The following SEC11A variants were observed in gnomAD, a reference collection of about 807,000 sequenced individuals.
SEC11A encodes the protein signal peptidase complex catalytic subunit SEC11A.
In SEC11A, 14 loss-of-function variants were observed where a neutral mutation model predicts 25.6. That is an observed-to-expected ratio of 0.55 (90% CI 0.36 to 0.85). SEC11A has a LOEUF of 0.85. SEC11A is among the 40% of genes least tolerant of loss of function. SEC11A has a pLI of 0.01. For missense variants in SEC11A, 153 were observed against 222.9 expected (o/e 0.69, Z 2.00); for synonymous variants, 83 against 76.4 (o/e 1.09, Z -0.45).
At chr15:84,703,650 A>C (rs945698515) in intron 1 of SEC11A, among the ~76,000 whole-genome samples, 1 of 152,172 alleles carries the variant, frequency 6.6e-6, no homozygotes, top group Non-Finnish European at 1.5e-5. Context: ...GCAGTTGTTC[A>C]TTTTGCCTGG....
chr15:84,702,032 A>C (rs1177282764), intron 1 of SEC11A, among the ~76,000 whole-genome samples: 1 of 151,582 alleles, frequency 6.6e-6, no homozygotes, highest in East Asian at 1.9e-4. Flanking sequence ...GTGCCACTGC[A>C]CTCCAGCCTG....
At chr15:84,697,020 A>T (rs906067621) in intron 1 of SEC11A, among the ~76,000 whole-genome samples, 12 of 133,680 alleles carry the variant, frequency 9.0e-5, no homozygotes, top group African/African-American at 3.5e-4. Context: ...CCTATCTCTA[A>T]AAAAAAAATA....
intron 2 of SEC11A, among the ~76,000 whole-genome samples, chr15:84,688,675 T>C (rs34784022): frequency 0.2 from 30,631 of 152,168 alleles, 3,888 homozygotes; most frequent in Middle Eastern, 0.36. Context: ...CTTCCCTCTA[T>C]GTAAAGGGAT....
chr15:84,691,516 T>C lies in SEC11A; in HGVS notation c.161+19A>G. The C allele has an allele frequency of 1.4e-6, 2 of 1,428,344 alleles. No homozygotes were observed. Among genetic ancestry groups the C allele is most frequent in the Non-Finnish European group, 2.0e-6 (2 of 1,017,164 alleles). 88.5% of individuals were successfully genotyped at this position (1,428,344 alleles called of 1,614,324 possible). A position where few individuals can be genotyped will look rare whatever the true frequency, so the allele number is the denominator to read the frequency against. On this transcript the variant is annotated intron_variant, in intron 2 of 5. Coordinates refer to ENST00000268220, the MANE Select transcript of SEC11A (RefSeq NM_014300.4). ...AGTAATGCCATGCAATTCCATGCCT[T>C]GAAAGGAAAAACTGTTACCTGAGCA...
At chr15:84,691,321 G>A (rs1897599706) in intron 2 of SEC11A, among the ~76,000 whole-genome samples, 1 of 152,004 alleles carries the variant, frequency 6.6e-6, no homozygotes, top group Admixed American at 6.6e-5. Context: ...TAATCCACCG[G>A]CCTCAGCATC....
In SEC11A at chr15:84,670,325, C is replaced by T. The variant is rs889940487; in HGVS notation, c.490-256G>A. On this transcript the variant is annotated intron_variant, in intron 5 of 5. Coordinates refer to ENST00000268220, the MANE Select transcript of SEC11A (RefSeq NM_014300.4). ...GCTGGAGTGCAGCAGCAACCTCCAC[C>T]TATCATATTCAAGCAATTCTCGTGC... is the stretch of plus-strand genomic sequence containing the variant. 6 of 327,110 alleles carry T rather than the reference C, an allele frequency of 1.8e-5. No individual in the cohort carries two copies. The South Asian group carries it at 2.3e-4, about 12-fold the overall frequency. The allele number at this position is 327,110 out of a possible 1,614,324, so 20.3% of individuals were successfully genotyped here. A position where few individuals can be genotyped will look rare whatever the true frequency, so the allele number is the denominator to read the frequency against.
At chr15:84,713,124 G>A (rs1898337528) in intron 1 of SEC11A, among the ~76,000 whole-genome samples, 1 of 151,560 alleles carries the variant, frequency 6.6e-6, no homozygotes, top group Non-Finnish European at 1.5e-5. Flanking sequence ...AACCTGGGAG[G>A]TGGAGCTTGC....
At chr15:84,693,301 T>C (rs938959339) in intron 1 of SEC11A, among the ~76,000 whole-genome samples, 2 of 151,636 alleles carry the variant, frequency 1.3e-5, no homozygotes, top group African/African-American at 4.8e-5. Flanking sequence ...GTTTTTTTCT[T>C]CTCATTCAGT....
At chr15:84,684,909 C>T (rs922161887) in intron 3 of SEC11A, among the ~76,000 whole-genome samples, 13 of 151,634 alleles carry the variant, frequency 8.6e-5, no homozygotes, top group South Asian at 2.1e-4. Context: ...CCAGCCTGGG[C>T]GAAAGAGCGA....
chr15:84,670,632 G>A (rs555558463), intron 5 of SEC11A, 93 bp downstream of exon 5: 9 of 617,778 alleles, frequency 1.5e-5, no homozygotes, highest in Middle Eastern at 4.2e-4. Flanking sequence ...CACTCACCTC[G>A]GCCTCCCAGA....
chr15:84,714,343 C>T (rs981381738), intron 1 of SEC11A, among the ~76,000 whole-genome samples: 1 of 152,162 alleles, frequency 6.6e-6, no homozygotes. Flanking sequence ...ATCACTAAAG[C>T]TCTCTAACAA....
intron 3 of SEC11A, among the ~76,000 whole-genome samples, chr15:84,681,849 TG>T (rs1897290140): frequency 6.6e-6 from 1 of 151,930 alleles, no homozygotes; most frequent in Non-Finnish European, 1.5e-5. Context: ...CCAAGGTGGG[TG>T]GGTGGATCAC....
At chr15:84,703,386 C>G (rs778827457) in intron 1 of SEC11A, among the ~76,000 whole-genome samples, 6 of 152,300 alleles carry the variant, frequency 3.9e-5, no homozygotes, top group South Asian at 2.1e-4. Flanking sequence ...TAAATATGAG[C>G]AAGTGACTCA....
chr15:84,692,024 C>CTTT (rs59177902), intron 1 of SEC11A: 56 of 127,298 alleles, frequency 4.4e-4, no homozygotes, highest in South Asian at 1.7e-3. Flanking sequence ...TTTTCTTTTT[C>CTTT]TTTTTTTTTT....
intron 3 of SEC11A, chr15:84,687,004 C>A (rs112297596): frequency 0.062 from 9,459 of 152,412 alleles, 376 homozygotes; most frequent in African/African-American, 0.088. Flanking sequence ...TCCCAAGTAG[C>A]TGGGATTACA....
chr15:84,706,232 G>C (rs1898090067), intron 1 of SEC11A, among the ~76,000 whole-genome samples: 1 of 152,038 alleles, frequency 6.6e-6, no homozygotes, highest in Non-Finnish European at 1.5e-5. Context: ...AATTCACAAA[G>C]GTTTTAATCC....
intron 3 of SEC11A, 106 bp downstream of exon 3, chr15:84,687,519 C>T (rs1897463268): frequency 1.2e-6 from 1 of 846,172 alleles, no homozygotes; most frequent in Non-Finnish European, 1.7e-6. Flanking sequence ...TGGAAGAAGG[C>T]CTAGAGGTTC....
intron 1 of SEC11A, among the ~76,000 whole-genome samples, chr15:84,693,993 G>C (rs1897684995): frequency 6.6e-6 from 1 of 152,098 alleles, no homozygotes; most frequent in African/African-American, 2.4e-5. Flanking sequence ...GGATCTGTGT[G>C]ACAGATTACA....
At chr15:84,677,333 T>G (rs528803529) in intron 4 of SEC11A, among the ~76,000 whole-genome samples, 1 of 152,276 alleles carries the variant, frequency 6.6e-6, no homozygotes, top group Admixed American at 6.5e-5. Flanking sequence ...TCTTAGGTTT[T>G]TTTTTTCTAC....
Sources: gnomAD v4.1 joint callset for allele counts (sites outside exome capture counted in the v4.1 genomes callset) on GRCh38, gnomAD v4.1.1 for gene constraint, MANE v1.5 for transcripts, NCBI Gene and HGNC (gene_info 2026-07-23, HGNC 2026-07-21) for gene names.